Variants in ZCCHC10 observed in about 807,000 individuals in gnomAD.
ZCCHC10 encodes the protein zinc finger CCHC domain-containing protein 10.
ZCCHC10 carries 16 observed loss-of-function variants against 19.5 expected under a neutral mutation model. The ratio of observed to expected loss-of-function variants is 0.82; its 90% CI spans 0.56 to 1.25. ZCCHC10 has a LOEUF of 1.25. ZCCHC10 is among the 50% of genes most tolerant of loss of function. ZCCHC10 has a pLI of 0.00. For synonymous variants in ZCCHC10, 67 were observed against 72.5 expected (o/e 0.92, Z 0.38); for missense variants, 197 against 201.0 (o/e 0.98, Z 0.12).
At chr5:133,018,341 TCTCA>T (rs1215675624) in intron 2 of ZCCHC10, among the ~76,000 whole-genome samples, 2 of 151,290 alleles carry the variant, frequency 1.3e-5, no homozygotes, top group African/African-American at 4.9e-5. Context: ...AGAGAAAAGG[TCTCA>T]CTATGTTGCC....
At position 133,006,758 on chromosome 5, in the gene ZCCHC10, C is replaced by A. The variant is rs1420695033; in HGVS notation, c.269+1G>T. 3 of 1,599,772 alleles carry A rather than the reference C, an allele frequency of 1.9e-6. No individual in the cohort carries two copies. Among genetic ancestry groups the A allele is most frequent in the Non-Finnish European group, 1.7e-6 (2 of 1,175,690 alleles). On this transcript the variant is annotated splice_donor_variant, in intron 3 of 4. Coordinates refer to ENST00000509437, the MANE Select transcript of ZCCHC10 (RefSeq NM_001300816.3). LOFTEE classifies it high-confidence loss of function. ...CCTTTGGATACCACATGTAAACCTA[C>A]CTTTGTTGCAATAATAATCTGTTTT...
At chr5:133,022,597 C>T (rs530752257) in intron 2 of ZCCHC10, among the ~76,000 whole-genome samples, 8 of 152,108 alleles carry the variant, frequency 5.3e-5, no homozygotes, top group Middle Eastern at 3.4e-3. Flanking sequence ...GGACTACAGG[C>T]GCATGCCACC....
At chr5:133,001,346 G>A (rs1021095391) in intron 3 of ZCCHC10, among the ~76,000 whole-genome samples, 8 of 151,940 alleles carry the variant, frequency 5.3e-5, no homozygotes, top group African/African-American at 1.7e-4. Context: ...AGCTGAGATC[G>A]CACCATTGCA....
chr5:133,017,639 G>C (rs1484462777), intron 2 of ZCCHC10, among the ~76,000 whole-genome samples: 4 of 152,006 alleles, frequency 2.6e-5, no homozygotes, highest in African/African-American at 9.7e-5. Flanking sequence ...CAAAGTGCTG[G>C]GATTGTAGGC....
Position 133,000,171 on chromosome 5 carries a change from A to G in ZCCHC10, c.272T>C (p.Ile91Thr), listed in dbSNP as rs1252671309. The G allele has an allele frequency of 1.2e-6, 2 of 1,614,022 alleles. No homozygotes were observed. Among genetic ancestry groups the G allele is most frequent in the Admixed American group, 1.7e-5 (1 of 59,990 alleles). The change falls in exon 4 of 5, where the codon ATT (isoleucine) becomes ACT (threonine). Residue 91 changes from isoleucine (I) to threonine (T), a missense_variant and splice_region_variant. By Grantham distance (89) the Ile-to-Thr change is moderately conservative (BLOSUM62 -1). Transcript: ENST00000509437. ...KENRLLLQQS[I>T]GETNVERKAK... ...CTTTCTTTCTACATTGGTTTCTCCA[A>G]TGCTGATAAACACGAGGGGGAAAAA...
At chr5:133,009,906 G>C (rs2126594142) in intron 2 of ZCCHC10, among the ~76,000 whole-genome samples, 1 of 152,094 alleles carries the variant, frequency 6.6e-6, no homozygotes, top group Middle Eastern at 3.4e-3. Context: ...AGAAGTAAAA[G>C]AATTGAAAAG....
intron 2 of ZCCHC10, among the ~76,000 whole-genome samples, chr5:133,011,766 T>A (rs555950677): frequency 6.6e-5 from 10 of 151,926 alleles, no homozygotes; most frequent in African/African-American, 2.4e-4. Flanking sequence ...AATTCCTGTA[T>A]AGATTCAAAG....
intron 3 of ZCCHC10, 110 bp from the exon 4 acceptor site, chr5:133,000,283 T>A: frequency 8.0e-7 from 1 of 1,251,088 alleles, no homozygotes; most frequent in African/African-American, 1.5e-5. Context: ...AAAGATTCTG[T>A]GTTTTTATCA....
In ZCCHC10 at chr5:133,026,504, T is replaced by C. The variant is rs1440579235; in HGVS notation, c.34A>G (p.Arg12Gly). 6.2e-7 allele frequency: 1 copy of C among 1,613,678 alleles called. No individual in the cohort carries two copies. Among genetic ancestry groups the C allele is most frequent in the Admixed American group, 1.7e-5 (1 of 59,968 alleles). The change falls in exon 1 of 5, where the codon AGA (arginine) becomes GGA (glycine). Residue 12 changes from arginine to glycine, a missense_variant. Arg to Gly is a moderately radical substitution (Grantham distance 125). Transcript: ENST00000509437. ...ATPMHRLIAR[R>G]QAFDTELQPV... ...AACCGGATCCTTACTTACGCTTGTC[T>C]CCGGGCTATTAGCCGATGCATGGGA...
At chr5:133,016,699 T>G (rs1257501457) in intron 2 of ZCCHC10, among the ~76,000 whole-genome samples, 1 of 152,156 alleles carries the variant, frequency 6.6e-6, no homozygotes, top group Non-Finnish European at 1.5e-5. Flanking sequence ...CGCCTCAGCC[T>G]CCCAAAGTGC....
intron 2 of ZCCHC10, among the ~76,000 whole-genome samples, chr5:133,012,908 G>A (rs901541871): frequency 2.6e-5 from 4 of 151,946 alleles, no homozygotes; most frequent in Non-Finnish European, 5.9e-5. Context: ...AAAATTAGCC[G>A]GGCGCAGTGG....
At chr5:133,023,573 G>A (rs1401360825) in intron 1 of ZCCHC10, among the ~76,000 whole-genome samples, 5 of 150,686 alleles carry the variant, frequency 3.3e-5, no homozygotes, top group African/African-American at 1.2e-4. Context: ...TCAGAAGTTC[G>A]AGACCAGCCT....
At chr5:133,015,900 T>C (rs1373059562) in intron 2 of ZCCHC10, among the ~76,000 whole-genome samples, 1 of 152,256 alleles carries the variant, frequency 6.6e-6, no homozygotes, top group Admixed American at 6.5e-5. Context: ...AATATCCTAC[T>C]CCTCATTAAA....
intron 1 of ZCCHC10, among the ~76,000 whole-genome samples, chr5:133,023,461 CTTT>C (rs34960372): frequency 1.5e-4 from 21 of 135,528 alleles, no homozygotes; most frequent in Non-Finnish European, 1.9e-4. Flanking sequence ...GTCCAAAGAC[CTTT>C]TTTTTTTTTT....
intron 2 of ZCCHC10, among the ~76,000 whole-genome samples, chr5:133,008,880 G>T (rs1377416994): frequency 6.6e-6 from 1 of 152,168 alleles, no homozygotes; most frequent in Non-Finnish European, 1.5e-5. Flanking sequence ...GCGTGTGGTG[G>T]CAAACAGCTG....
rs929828769 is a variant in ZCCHC10, at chr5:132,997,868, T to A, written c.*715A>T. 5 of 152,198 alleles carry A rather than the reference T, an allele frequency of 3.3e-5. No homozygotes were observed. Among genetic ancestry groups the A allele is most frequent in the African/African-American group, 1.2e-4 (5 of 41,462 alleles). 9.4% of individuals were successfully genotyped at this position (152,198 alleles called of 1,614,324 possible). ...CTTTCTTTTCTGATACACTGACTTT[T>A]AACAGAAGGCACCAAGATTAGACTC... On this transcript the variant is annotated 3_prime_UTR_variant, in exon 5 of 5. Coordinates refer to ENST00000509437, the MANE Select transcript of ZCCHC10 (RefSeq NM_001300816.3).
intron 3 of ZCCHC10, among the ~76,000 whole-genome samples, chr5:133,004,017 G>T (rs1762946051): frequency 6.6e-6 from 1 of 151,806 alleles, no homozygotes; most frequent in African/African-American, 2.4e-5. Context: ...GTCCGGAAAT[G>T]CATTTCTTAA....
chr5:133,012,259 G>C (rs1763605171), intron 2 of ZCCHC10, among the ~76,000 whole-genome samples: 1 of 151,710 alleles, frequency 6.6e-6, no homozygotes, highest in Admixed American at 6.6e-5. Flanking sequence ...CCTGAGGCCA[G>C]GAGTTCGAGA....
chr5:133,022,925 A>T lies in ZCCHC10; in HGVS notation c.42-19T>A, dbSNP rs1764419498. ...GTCGAATCTAACAAGATGAAATTTA[A>T]CAAGGACAAAGGTAAGTCTGACACT... On this transcript the variant is annotated intron_variant, in intron 1 of 4. Coordinates refer to ENST00000509437, the MANE Select transcript of ZCCHC10 (RefSeq NM_001300816.3). 1 of 569,818 alleles carries T rather than the reference A, an allele frequency of 1.8e-6. No individual in the cohort carries two copies. Among genetic ancestry groups the T allele is most frequent in the South Asian group, 2.3e-5 (1 of 44,280 alleles). 35.3% of individuals were successfully genotyped at this position (569,818 alleles called of 1,614,324 possible).
Sources: allele counts gnomAD v4.1 joint callset (sites outside exome capture counted in the v4.1 genomes callset), GRCh38; gene constraint gnomAD v4.1.1; transcripts MANE v1.5; gene names NCBI Gene and HGNC (gene_info 2026-07-23, HGNC 2026-07-21).